LRCH3: variants seen among roughly 807,000 people sequenced by gnomAD.
LRCH3 encodes leucine rich repeats and calponin homology domain containing 3.
In LRCH3, 68 loss-of-function variants were observed where a neutral mutation model predicts 104.5. The observed-to-expected ratio is 0.65, with a 90% CI of 0.54 to 0.80. The LOEUF is 0.80. LRCH3 is among the 30% of genes least tolerant of loss of function. The probability of loss-of-function intolerance (pLI) is 0.00; values close to 1 mark genes in which losing one functional copy is unlikely to be tolerated. For missense variants in LRCH3, 951 were observed against 953.9 expected, an observed-to-expected ratio of 1.00 and a Z score of 0.04; for synonymous variants, 344 against 361.3, an observed-to-expected ratio of 0.95 and a Z score of 0.54.
chr3:197,850,202 T>A (rs573645799), intron 12 of LRCH3, among the ~76,000 whole-genome samples: 27 of 152,330 alleles, frequency 1.8e-4, no homozygotes, highest in African/African-American at 6.5e-4. Flanking sequence ...GAGTTTGTAT[T>A]GAAGACTTAT....
At position 197,845,734 on chromosome 3, in the gene LRCH3, G is replaced by A. The variant is rs867811028; in HGVS notation, c.1329-1675G>A. On this transcript the variant is annotated intron_variant, in intron 10 of 20. Coordinates refer to ENST00000425562, the MANE Select transcript of LRCH3 (RefSeq NM_001365715.1). ...AGCCTGGCCAGCATGGTGAAACCCC[G>A]TCTCTACTAAAAATACAAAAATTAG... Among the ~76,000 whole-genome samples the A allele has an allele frequency of 1.5e-4, 23 of 152,060 alleles. 1 individual carries two copies. The highest frequency in any genetic ancestry group is 8.3e-4 in the South Asian group (4 of 4,804).
At chr3:197,844,910 A>G (rs911423492) in intron 10 of LRCH3, among the ~76,000 whole-genome samples, 2 of 152,100 alleles carry the variant, frequency 1.3e-5, no homozygotes, top group African/African-American at 4.8e-5. Context: ...GGCGGGAGCC[A>G]CTGCACCCGG....
intron 17 of LRCH3, among the ~76,000 whole-genome samples, chr3:197,869,557 C>G (rs1188627018): frequency 7.0e-6 from 1 of 143,682 alleles, no homozygotes; most frequent in African/African-American, 2.7e-5. Flanking sequence ...AAGCGATGCA[C>G]TGTACCTGCA....
intron 14 of LRCH3, among the ~76,000 whole-genome samples, chr3:197,855,143 A>G (rs1740079847): frequency 6.6e-6 from 1 of 152,230 alleles, no homozygotes; most frequent in Admixed American, 6.5e-5. Context: ...TAGTGCCTAC[A>G]GTGCTAGTAA....
chr3:197,873,729 A>T (rs774951893), intron 19 of LRCH3, among the ~76,000 whole-genome samples: 16 of 152,124 alleles, frequency 1.1e-4, no homozygotes, highest in Admixed American at 6.6e-4. Flanking sequence ...TGACCCTAAA[A>T]AAGAAAGAAA....
intron 4 of LRCH3, among the ~76,000 whole-genome samples, chr3:197,826,402 C>T (rs1404966484): frequency 2.0e-5 from 3 of 152,184 alleles, no homozygotes; most frequent in Non-Finnish European, 4.4e-5. Flanking sequence ...GGCAACTCCT[C>T]CTGACTTTTG....
At chr3:197,822,071 A>G (rs1734558589) in intron 4 of LRCH3, among the ~76,000 whole-genome samples, 1 of 152,236 alleles carries the variant, frequency 6.6e-6, no homozygotes, top group Admixed American at 6.5e-5. Flanking sequence ...GTTCTAACAT[A>G]CTAGTGGAGC....
chr3:197,791,476 C>T lies in LRCH3; in HGVS notation c.198C>T (p.Gly66=). ...AAVTGVLSLS[G]RKLREFPRGA... The stretch of plus-strand genomic sequence containing the variant: ...TCACTGGGGTGCTGAGCCTGAGCGG[C>T]CGGAAACTGAGGGAGTTTCCCCGGG... The change falls in exon 1 of 21, where the codon GGC becomes GGT. Residue 66 remains glycine, a synonymous_variant. Transcript: ENST00000425562. 1.9e-6 allele frequency: 3 copies of T among 1,601,324 alleles called. No homozygotes were observed. The highest frequency in any genetic ancestry group is 1.4e-5 in the African/African-American group (1 of 73,744).
chr3:197,878,613 C>T (rs971527452), intron 20 of LRCH3, among the ~76,000 whole-genome samples: 10 of 152,186 alleles, frequency 6.6e-5, no homozygotes, highest in Admixed American at 1.3e-4. Flanking sequence ...ACCCACGTCC[C>T]CACCACAACC....
intron 20 of LRCH3, 124 bp downstream of exon 20, chr3:197,875,899 T>G: frequency 1.6e-6 from 1 of 606,700 alleles, no homozygotes; most frequent in Non-Finnish European, 2.8e-6. Flanking sequence ...TTAACATGAC[T>G]TTGTGTTACA....
chr3:197,794,709 T>C (rs1397524290), intron 1 of LRCH3, among the ~76,000 whole-genome samples: 1 of 152,142 alleles, frequency 6.6e-6, no homozygotes, highest in Non-Finnish European at 1.5e-5. Context: ...CTGTTTATTT[T>C]GAAAGGTTAA....
intron 17 of LRCH3, among the ~76,000 whole-genome samples, chr3:197,868,648 T>C (rs939422339): frequency 5.3e-5 from 8 of 152,202 alleles, no homozygotes; most frequent in African/African-American, 1.9e-4. Flanking sequence ...TGGAATACCA[T>C]ATAAGCAATG....
chr3:197,839,273 G>T, intron 9 of LRCH3, 48 bp from the exon 10 acceptor site: 1 of 1,274,056 alleles, frequency 7.8e-7, no homozygotes, highest in Non-Finnish European at 1.1e-6. Flanking sequence ...TAATCGCAGT[G>T]TTCTGGATTA....
At position 197,812,506 on chromosome 3, in the gene LRCH3, T is replaced by TTTTTTTTTTTTG. The variant is rs1226313363; in HGVS notation, c.263-2391_263-2390insGTTTTTTTTTTT. The stretch of plus-strand genomic sequence containing the variant: ...ATCTGTTCAAGTCTCTGCTTTCAGT[T>TTTTTTTTTTTTG]TTTTTTTTTTTTTTTTTTTTTTTTA... On this transcript the variant is annotated intron_variant, in intron 1 of 20. Transcript: ENST00000425562. Among the ~76,000 whole-genome samples, 7 of 121,012 alleles carry TTTTTTTTTTTTG rather than the reference T, an allele frequency of 5.8e-5. 1 individual carries two copies. Among genetic ancestry groups the TTTTTTTTTTTTG allele is most frequent in the Non-Finnish European group, 1.2e-4 (7 of 58,178 alleles). 79.4% of individuals were successfully genotyped at this position (121,012 alleles called of 152,430 possible).
intron 1 of LRCH3, among the ~76,000 whole-genome samples, chr3:197,814,361 C>A (rs111317950): frequency 6.6e-6 from 1 of 152,246 alleles, no homozygotes; most frequent in Non-Finnish European, 1.5e-5. Flanking sequence ...TCCACTGGGT[C>A]CCTCCCACAG....
chr3:197,844,513 C>T (rs1455885730), intron 10 of LRCH3, among the ~76,000 whole-genome samples: 1 of 152,006 alleles, frequency 6.6e-6, no homozygotes, highest in Non-Finnish European at 1.5e-5. Context: ...GCCTTGGCCT[C>T]CCAAAATGCT....
At chr3:197,875,600 G>C in intron 19 of LRCH3, 98 bp from the exon 20 acceptor site, 1 of 830,328 alleles carries the variant, frequency 1.2e-6, no homozygotes, top group South Asian at 1.6e-5. Flanking sequence ...GATACAGCGA[G>C]CCAGGCTTGC....
chr3:197,817,360 G>GTGTATATATATAGATATATATATATA, intron 3 of LRCH3, 58 bp downstream of exon 3: 1 of 70,058 alleles, frequency 1.4e-5, no homozygotes, highest in Admixed American at 3.5e-4. Context: ...GTGTGTGTGT[G>GTGTATATATATAGATATATATATATA]TATATATATA....
chr3:197,840,119 A>G (rs1195420871), intron 10 of LRCH3, among the ~76,000 whole-genome samples: 1 of 152,042 alleles, frequency 6.6e-6, no homozygotes, highest in African/African-American at 2.4e-5. Flanking sequence ...CACTCTTTCC[A>G]CTGTACTTGG....
Sources: gnomAD v4.1 joint callset for allele counts (sites outside exome capture counted in the v4.1 genomes callset) on GRCh38, gnomAD v4.1.1 for gene constraint, MANE v1.5 for transcripts, NCBI Gene and HGNC (gene_info 2026-07-23, HGNC 2026-07-21) for gene names.